Variants in RASGEF1A observed in about 807,000 individuals in gnomAD.
RASGEF1A encodes the protein RasGEF domain family member 1A.
A neutral mutation model predicts 56.4 loss-of-function variants in RASGEF1A; 18 were observed. That is an observed-to-expected ratio of 0.32 (90% CI 0.22 to 0.47). The LOEUF (loss-of-function observed/expected upper bound fraction) is 0.47. RASGEF1A is among the 20% of genes least tolerant of loss of function. The pLI is 1.00. For synonymous variants in RASGEF1A, 245 were observed against 242.6 expected, an observed-to-expected ratio of 1.01 and a Z score of -0.09; for missense variants, 422 against 627.1, an observed-to-expected ratio of 0.67 and a Z score of 3.49.
intron 1 of RASGEF1A, among the ~76,000 whole-genome samples, chr10:43,225,346 C>T (rs930739699): frequency 1.4e-4 from 19 of 133,952 alleles, no homozygotes; most frequent in African/African-American, 5.2e-4. Context: ...TGTGTCTCTG[C>T]ATGTGTCTGT....
rs1256610919 is a variant in RASGEF1A, at chr10:43,208,842, CA to C, written c.-6-2721del. On this transcript the variant is annotated intron_variant, in intron 1 of 12. Transcript: ENST00000395810. Reference sequence around the variant, plus strand: ...CAGGGCTCAGTGCCAAGTGGAGAGGCAGGTTCCCTACATGGCTTTTCCCGGG... The same window carrying C: ...CAGGGCTCAGTGCCAAGTGGAGAGGCGGTTCCCTACATGGCTTTTCCCGGG... The C allele has an allele frequency of 5.1e-6, 5 of 985,456 alleles. No homozygotes were observed. The African/African-American group carries it at 8.7e-5, about 17-fold the overall frequency. 61.0% of individuals were successfully genotyped at this position (985,456 alleles called of 1,614,324 possible). A position where few individuals can be genotyped will look rare whatever the true frequency, so the allele number is the denominator to read the frequency against.
In RASGEF1A at chr10:43,263,409, G is replaced by A. The variant is rs559496200; in HGVS notation, c.-7+3436C>T. Among the ~76,000 whole-genome samples the A allele has an allele frequency of 3.3e-5, 5 of 152,300 alleles. No individual in the cohort carries two copies. In the South Asian group the frequency reaches 1.0e-3, roughly 32 times the overall value. On this transcript the variant is annotated intron_variant, in intron 1 of 12. Coordinates refer to ENST00000395810, the MANE Select transcript of RASGEF1A (RefSeq NM_145313.4). ...GTCTTCAAAGTCAGCCCGCACAGGCGACCAGGGTGCGGACGGCTGAGCAAG... is the reference window on the plus strand; with the variant it reads ...GTCTTCAAAGTCAGCCCGCACAGGCAACCAGGGTGCGGACGGCTGAGCAAG...
At chr10:43,226,226 G>A (rs868807840) in intron 1 of RASGEF1A, among the ~76,000 whole-genome samples, 4 of 152,216 alleles carry the variant, frequency 2.6e-5, no homozygotes, top group African/African-American at 9.6e-5. Context: ...CAGATCATCT[G>A]AGGTCAGGAG....
chr10:43,202,515 G>A, intron 3 of RASGEF1A: 1 of 447,942 alleles, frequency 2.2e-6, no homozygotes, highest in Non-Finnish European at 4.5e-6. Context: ...AGGGGACTGT[G>A]CCCGATGCTC....
At chr10:43,220,648 G>A (rs763518070) in intron 1 of RASGEF1A, among the ~76,000 whole-genome samples, 12 of 152,090 alleles carry the variant, frequency 7.9e-5, no homozygotes, top group African/African-American at 1.4e-4. Context: ...AGCCAGGCAC[G>A]GTGGTGCACA....
chr10:43,227,677 G>A (rs1449297229), intron 1 of RASGEF1A, among the ~76,000 whole-genome samples: 2 of 152,108 alleles, frequency 1.3e-5, no homozygotes, highest in African/African-American at 4.8e-5. Context: ...CTCTGCATGA[G>A]CACATGCAGC....
chr10:43,207,927 C>G (rs1189582900), intron 1 of RASGEF1A: 1 of 656,858 alleles, frequency 1.5e-6, no homozygotes, highest in Non-Finnish European at 1.9e-6. Context: ...GGTGTCACCA[C>G]CTCCAGGAAG....
chr10:43,250,642 A>AGG (rs145348612), intron 1 of RASGEF1A, among the ~76,000 whole-genome samples: 19 of 151,788 alleles, frequency 1.3e-4, no homozygotes, highest in East Asian at 5.9e-4. Flanking sequence ...CCGAAGGGGA[A>AGG]GGGGGGGGTC....
At chr10:43,261,009 C>T (rs1013708599) in intron 1 of RASGEF1A, among the ~76,000 whole-genome samples, 1 of 152,194 alleles carries the variant, frequency 6.6e-6, no homozygotes, top group Non-Finnish European at 1.5e-5. Flanking sequence ...GCACTGACTG[C>T]TCAGCCTGTG....
At chr10:43,233,645 C>T (rs570092723) in intron 1 of RASGEF1A, among the ~76,000 whole-genome samples, 1 of 152,164 alleles carries the variant, frequency 6.6e-6, no homozygotes, top group Non-Finnish European at 1.5e-5. Context: ...ATAGCACAAC[C>T]CAAATTCTCA....
intron 2 of RASGEF1A, among the ~76,000 whole-genome samples, chr10:43,205,176 G>A (rs1187682973): frequency 1.3e-5 from 2 of 152,208 alleles, no homozygotes; most frequent in South Asian, 2.1e-4. Context: ...GACAAGCAGG[G>A]CAGGGAGGGA....
chr10:43,212,358 A>G (rs1217303569), intron 1 of RASGEF1A, among the ~76,000 whole-genome samples: 1 of 152,030 alleles, frequency 6.6e-6, no homozygotes, highest in African/African-American at 2.4e-5. Context: ...GAGACCTTGC[A>G]CCCCGCCCCA....
intron 1 of RASGEF1A, among the ~76,000 whole-genome samples, chr10:43,266,193 A>G (rs776574729): frequency 3.8e-4 from 57 of 151,840 alleles, no homozygotes; most frequent in Non-Finnish European, 7.4e-4. Context: ...CCTCTCACTC[A>G]CCGACCCTCG....
intron 1 of RASGEF1A, among the ~76,000 whole-genome samples, chr10:43,215,837 G>A (rs1052010713): frequency 2.6e-5 from 4 of 152,224 alleles, no homozygotes; most frequent in African/African-American, 7.2e-5. Flanking sequence ...TCCGACAGAG[G>A]AGATGGAAGG....
chr10:43,215,377 A>C (rs1348798431), intron 1 of RASGEF1A, among the ~76,000 whole-genome samples: 1 of 152,214 alleles, frequency 6.6e-6, no homozygotes, highest in Non-Finnish European at 1.5e-5. Context: ...GCAGGGCATC[A>C]CAATTAGCAA....
At chr10:43,201,307 C>T (rs1228702459) in intron 4 of RASGEF1A, among the ~76,000 whole-genome samples, 2 of 152,214 alleles carry the variant, frequency 1.3e-5, no homozygotes, top group Admixed American at 1.3e-4. Context: ...CTGGCTCCTC[C>T]TGGAGTACTC....
rs375885001 is a variant in RASGEF1A, at chr10:43,206,065, C to T, written c.52G>A (p.Gly18Arg). Residue 18 changes from glycine to arginine, a missense_variant, in exon 2 of 13, where the codon GGA becomes AGA. Transcript: ENST00000395810. ...FSSILGPSCS[G>R]QVQPGMGERG... The stretch of plus-strand genomic sequence containing the variant: ...TCCCCCATGCCAGGCTGCACCTGTC[C>T]GCTACAGCTGGGCCCAAGGATGCTG... 48 of 1,606,188 alleles carry T rather than the reference C, an allele frequency of 3.0e-5. No individual in the cohort carries two copies. In the African/African-American group the frequency reaches 4.7e-4, roughly 16 times the overall value.
At chr10:43,235,009 C>A (rs1840413019) in intron 1 of RASGEF1A, among the ~76,000 whole-genome samples, 1 of 152,216 alleles carries the variant, frequency 6.6e-6, no homozygotes, top group African/African-American at 2.4e-5. Context: ...CTAAACACAC[C>A]CACAGGCTCC....
At position 43,196,915 on chromosome 10, in the gene RASGEF1A, C is replaced by T. The variant is rs995871576; in HGVS notation, c.1348+61G>A. On this transcript the variant is annotated intron_variant, in intron 11 of 12. Coordinates refer to ENST00000395810, the MANE Select transcript of RASGEF1A (RefSeq NM_145313.4). The surrounding 1 kb of genome is among the most constrained non-coding windows in gnomAD (Gnocchi z 4.6). ...CTCCCAGGGCAACCCCAAAGAGCAC[C>T]GGGCCTGGACAAGGAGTCAGGTGGG... 5.7e-6 allele frequency: 9 copies of T among 1,592,268 alleles called. No homozygotes were observed. The highest frequency in any genetic ancestry group is 4.5e-5 in the East Asian group (2 of 44,824).
Sources: gnomAD v4.1 joint callset for allele counts (sites outside exome capture counted in the v4.1 genomes callset) on GRCh38, gnomAD v4.1.1 for gene constraint, Gnocchi (gnomAD v3.1) non-coding constraint, MANE v1.5 for transcripts, NCBI Gene and HGNC (gene_info 2026-07-23, HGNC 2026-07-21) for gene names.